MINDY4: variants seen among roughly 807,000 people sequenced by gnomAD.
The protein encoded by MINDY4 is MINDY lysine 48 deubiquitinase 4.
Under a neutral mutation model 87.0 loss-of-function variants are expected in MINDY4, and 68 were observed. The ratio of observed to expected loss-of-function variants is 0.78; its 90% CI spans 0.64 to 0.96. The LOEUF (loss-of-function observed/expected upper bound fraction) is 0.96, where lower values mean the gene tolerates loss of function less well. Ranked by LOEUF, MINDY4 falls within the 40% of genes least tolerant of loss-of-function variation. The pLI is 0.00. For missense variants in MINDY4, 919 were observed against 928.2 expected (o/e 0.99, Z 0.13); for synonymous variants, 379 against 363.2 (o/e 1.04, Z -0.50).
At position 30,832,428 on chromosome 7, in the gene MINDY4, A is replaced by G. The variant is rs140355783; in HGVS notation, c.1132+3691A>G. On this transcript the variant is annotated intron_variant, in intron 6 of 17. Transcript: ENST00000265299. ...ATGTCTAAGGTGGAATTAATCACAC[A>G]TCTCTTTTCCTCCAGAGAACATTCT... Among the ~76,000 whole-genome samples the G allele has an allele frequency of 2.6e-3, 398 of 152,332 alleles. 1 individual carries two copies. Among genetic ancestry groups the G allele is most frequent in the African/African-American group, 9.0e-3 (376 of 41,576 alleles).
chr7:30,795,890 C>T lies in MINDY4; in HGVS notation c.1073+4316C>T, dbSNP rs79105141. Among the ~76,000 whole-genome samples, 381 of 152,286 alleles carry T rather than the reference C, an allele frequency of 2.5e-3. 1 individual carries two copies. Among genetic ancestry groups the T allele is most frequent in the Admixed American group, 5.6e-3 (86 of 15,304 alleles). ...GCTTTTCCCCTTCCTGCTCCCTCTT[C>T]TGCTTTTGAGGACCTTTGTGATTAC... On this transcript the variant is annotated intron_variant, in intron 5 of 17. Transcript: ENST00000265299.
At chr7:30,771,899 C>A (rs1199847373) in intron 1 of MINDY4, among the ~76,000 whole-genome samples, 1 of 152,330 alleles carries the variant, frequency 6.6e-6, no homozygotes, top group Admixed American at 6.5e-5. Flanking sequence ...AGGCCTGCGC[C>A]CTAGCCTGGC....
At chr7:30,870,150 C>T (rs528234011) in intron 13 of MINDY4, among the ~76,000 whole-genome samples, 3 of 152,312 alleles carry the variant, frequency 2.0e-5, no homozygotes, top group South Asian at 2.1e-4. Flanking sequence ...GATGCAATTA[C>T]CATTTCCTCC....
intron 17 of MINDY4, among the ~76,000 whole-genome samples, chr7:30,883,485 C>T (rs1260177828): frequency 6.6e-6 from 1 of 152,198 alleles, no homozygotes; most frequent in Non-Finnish European, 1.5e-5. Context: ...GAACACTGAG[C>T]AGTGTGCCTC....
In MINDY4 at chr7:30,839,313, C is replaced by G; in HGVS notation, c.1353C>G (p.Asn451Lys). The G allele has an allele frequency of 6.3e-7, 1 of 1,581,990 alleles. No homozygotes were observed. Among genetic ancestry groups the G allele is most frequent in the Non-Finnish European group, 8.6e-7 (1 of 1,163,292 alleles). Reference protein sequence around the residue: ...TASLKYGIVQNKGGPCGVLAA... With the variant: ...TASLKYGIVQKKGGPCGVLAA... ...CATTAAAATACGGCATAGTGCAGAA[C>G]AAGGCAGGTTGCTCCTAGGTTTCCT... Residue 451 changes from asparagine to lysine, a missense_variant, in exon 8 of 18, where the codon AAC becomes AAG. Physicochemically the swap from Asn to Lys is moderately conservative, Grantham distance 94 (BLOSUM62 0). Coordinates refer to ENST00000265299, the MANE Select transcript of MINDY4 (RefSeq NM_032222.3).
At chr7:30,883,687 C>T (rs538083634) in intron 17 of MINDY4, among the ~76,000 whole-genome samples, 1 of 152,304 alleles carries the variant, frequency 6.6e-6, no homozygotes, top group Non-Finnish European at 1.5e-5. Context: ...CTCCCCTTGC[C>T]CCGGCAGGCC....
chr7:30,804,928 G>A (rs543302271), intron 5 of MINDY4, among the ~76,000 whole-genome samples: 1 of 152,214 alleles, frequency 6.6e-6, no homozygotes, highest in Non-Finnish European at 1.5e-5. Context: ...GAGCAAAGAG[G>A]TGGGCAAGTT....
intron 7 of MINDY4, among the ~76,000 whole-genome samples, chr7:30,837,186 G>A (rs1788883045): frequency 6.6e-6 from 1 of 152,174 alleles, no homozygotes; most frequent in African/African-American, 2.4e-5. Flanking sequence ...GCACTGTTCA[G>A]GTGTACTCCC....
chr7:30,875,826 A>G (rs1013876808), intron 15 of MINDY4, among the ~76,000 whole-genome samples, 170 bp downstream of exon 15: 1 of 152,210 alleles, frequency 6.6e-6, no homozygotes, highest in South Asian at 2.1e-4. Flanking sequence ...TGCTGTGGCT[A>G]CAGGCCTATA....
intron 15 of MINDY4, 67 bp from the exon 16 acceptor site, chr7:30,882,114 G>A (rs2128581666): frequency 1.4e-6 from 2 of 1,480,930 alleles, no homozygotes; most frequent in South Asian, 1.3e-5. Flanking sequence ...CCTTGAGTCA[G>A]ACAGAAAAAT....
At chr7:30,876,019 A>C (rs184248919) in intron 15 of MINDY4, among the ~76,000 whole-genome samples, 1 of 152,304 alleles carries the variant, frequency 6.6e-6, no homozygotes, top group African/African-American at 2.4e-5. Context: ...AGTGCTGCCT[A>C]ACAAAGTACC....
chr7:30,817,618 C>T (rs1273129413), intron 5 of MINDY4, among the ~76,000 whole-genome samples: 4 of 152,060 alleles, frequency 2.6e-5, no homozygotes, highest in Admixed American at 1.3e-4. Context: ...GAAGTGCTTG[C>T]AGGTGGGGAG....
At chr7:30,773,536 C>G (rs1414719144) in intron 1 of MINDY4, among the ~76,000 whole-genome samples, 2 of 152,174 alleles carry the variant, frequency 1.3e-5, no homozygotes, top group Non-Finnish European at 2.9e-5. Context: ...CCTACTTGAA[C>G]TCACCAAGTG....
chr7:30,827,422 G>A (rs1284575585), intron 5 of MINDY4, among the ~76,000 whole-genome samples: 2 of 152,106 alleles, frequency 1.3e-5, no homozygotes, highest in Non-Finnish European at 2.9e-5. Context: ...TGGAAGTGCA[G>A]TTCTTCATGG....
chr7:30,843,743 G>GT (rs998948470), intron 9 of MINDY4, among the ~76,000 whole-genome samples: 13 of 149,648 alleles, frequency 8.7e-5, no homozygotes, highest in African/African-American at 1.0e-4. Flanking sequence ...GAGGAGTGAG[G>GT]TTTTCTATCT....
In MINDY4 at chr7:30,791,286, C is replaced by T. The variant is rs17159453; in HGVS notation, c.785C>T (p.Ser262Leu). 11,667 of 1,614,112 alleles carry T rather than the reference C, an allele frequency of 7.2e-3. 542 individuals are homozygous for T. The African/African-American group carries it at 0.12, about 16-fold the overall frequency. Residue 262 changes from serine (S) to leucine (L), a missense_variant, in exon 5 of 18, where the codon TCG (serine) becomes TTG (leucine). Coordinates refer to ENST00000265299, the MANE Select transcript of MINDY4 (RefSeq NM_032222.3). Reference protein sequence around the residue: ...FVCTQQDILASSNSSPSRTSL... With the variant: ...FVCTQQDILALSNSSPSRTSL... ...TGCACCCAACAGGACATTCTGGCTT[C>T]GAGCAACAGCTCCCCCTCCAGGACC... is the stretch of plus-strand genomic sequence containing the variant.
chr7:30,857,572 A>T (rs1243577308), intron 12 of MINDY4, among the ~76,000 whole-genome samples: 2 of 75,510 alleles, frequency 2.6e-5, no homozygotes, highest in Non-Finnish European at 4.2e-5. Flanking sequence ...TCCCGGGTTC[A>T]CGCCATTCTC....
At chr7:30,846,394 A>G (rs1199801649) in intron 9 of MINDY4, among the ~76,000 whole-genome samples, 1 of 152,194 alleles carries the variant, frequency 6.6e-6, no homozygotes, top group Admixed American at 6.5e-5. Flanking sequence ...CCTCAAGATC[A>G]TTTATTTTCC....
intron 9 of MINDY4, among the ~76,000 whole-genome samples, chr7:30,843,488 T>TG (rs1204126438): frequency 6.6e-6 from 1 of 151,300 alleles, no homozygotes; most frequent in African/African-American, 2.4e-5. Context: ...CGTGGGCTTC[T>TG]GGGGGAACTT....
Sources: allele counts gnomAD v4.1 joint callset (sites outside exome capture counted in the v4.1 genomes callset), GRCh38; gene constraint gnomAD v4.1.1; transcripts MANE v1.5; gene names NCBI Gene and HGNC (gene_info 2026-07-23, HGNC 2026-07-21).